The following FSIP1 variants were observed in gnomAD, a reference collection of about 807,000 sequenced individuals.
FSIP1 encodes the protein fibrous sheath interacting protein 1.
In FSIP1, 65 loss-of-function variants were observed where a neutral mutation model predicts 60.9. The observed-to-expected ratio is 1.07, with a 90% CI of 0.87 to 1.31. The LOEUF (loss-of-function observed/expected upper bound fraction) is 1.31. Among genes scored for constraint, FSIP1 ranks in the 40% most tolerant of loss-of-function variants. The probability of loss-of-function intolerance (pLI) is 0.00; values close to 1 mark genes in which losing one functional copy is unlikely to be tolerated. For synonymous variants in FSIP1, 209 were observed against 221.2 expected (o/e 0.94, Z 0.49); for missense variants, 675 against 665.5 (o/e 1.01, Z -0.16).
chr15:39,700,843 G>A (rs1302600798), intron 10 of FSIP1, among the ~76,000 whole-genome samples: 1 of 152,142 alleles, frequency 6.6e-6, no homozygotes, highest in African/African-American at 2.4e-5. Context: ...GCCATTCCAG[G>A]TGAGTTCCCA....
intron 10 of FSIP1, among the ~76,000 whole-genome samples, chr15:39,645,653 C>T (rs9806365): frequency 6.6e-6 from 1 of 152,052 alleles, no homozygotes; most frequent in African/African-American, 2.4e-5. Context: ...TTGGCCAGGC[C>T]GGAGCTCCTG....
chr15:39,678,512 G>A (rs1165038894), intron 10 of FSIP1, among the ~76,000 whole-genome samples: 2 of 152,108 alleles, frequency 1.3e-5, no homozygotes, highest in Middle Eastern at 6.8e-3. Context: ...TATTTTATTG[G>A]AAATATAAAA....
intron 11 of FSIP1, among the ~76,000 whole-genome samples, chr15:39,610,052 AGG>A (rs1209578709): frequency 4.6e-5 from 7 of 152,228 alleles, no homozygotes; most frequent in Non-Finnish European, 8.8e-5. Flanking sequence ...GTAGACAACA[AGG>A]TTTAGAAAGA....
At chr15:39,751,727 T>C (rs1235440835) in intron 5 of FSIP1, among the ~76,000 whole-genome samples, 1 of 151,954 alleles carries the variant, frequency 6.6e-6, no homozygotes, top group East Asian at 1.9e-4. Flanking sequence ...CTAACAAGTT[T>C]AAAGATCTAA....
intron 10 of FSIP1, among the ~76,000 whole-genome samples, chr15:39,623,298 G>C (rs112249671): frequency 2.7e-3 from 411 of 152,278 alleles, no homozygotes; most frequent in African/African-American, 8.5e-3. Context: ...CAGATAATCA[G>C]AAAGTCTACC....
chr15:39,680,421 C>G (rs1279373118), intron 10 of FSIP1, among the ~76,000 whole-genome samples: 1 of 152,186 alleles, frequency 6.6e-6, no homozygotes, highest in Non-Finnish European at 1.5e-5. Context: ...GTTGCCCATA[C>G]AGTCACTTAA....
intron 11 of FSIP1, among the ~76,000 whole-genome samples, chr15:39,607,954 C>T (rs1032150980): frequency 6.6e-6 from 1 of 152,118 alleles, no homozygotes; most frequent in African/African-American, 2.4e-5. Context: ...CTTCAAAGGG[C>T]TTTTTGTCAA....
chr15:39,624,365 AAG>A (rs1891555130), intron 10 of FSIP1, among the ~76,000 whole-genome samples: 2 of 152,198 alleles, frequency 1.3e-5, no homozygotes, highest in Non-Finnish European at 1.5e-5. Context: ...GTACTCACTG[AAG>A]AGTTATTTGA....
At chr15:39,602,440 T>A (rs1890675136) in intron 11 of FSIP1, 2 of 450,836 alleles carry the variant, frequency 4.4e-6, no homozygotes, top group South Asian at 3.1e-5. Flanking sequence ...CATGGTAAGT[T>A]GTTGTGACAA....
chr15:39,673,463 G>A (rs57832843), intron 10 of FSIP1, among the ~76,000 whole-genome samples: 1,949 of 151,690 alleles, frequency 0.013, 42 homozygotes, highest in African/African-American at 0.045. Context: ...ACAGGCACAC[G>A]CCACCACACC....
At chr15:39,741,546 C>T (rs1269471425) in intron 6 of FSIP1, among the ~76,000 whole-genome samples, 1 of 152,210 alleles carries the variant, frequency 6.6e-6, no homozygotes. Flanking sequence ...TTGCTTAAGC[C>T]AGGTTTTCAT....
chr15:39,730,053 G>A (rs983673379), intron 8 of FSIP1, among the ~76,000 whole-genome samples: 1 of 151,402 alleles, frequency 6.6e-6, no homozygotes, highest in African/African-American at 2.4e-5. Context: ...AGTATTTATT[G>A]ATTTAAAATA....
At chr15:39,632,603 G>C (rs911775614) in intron 10 of FSIP1, among the ~76,000 whole-genome samples, 1 of 152,150 alleles carries the variant, frequency 6.6e-6, no homozygotes, top group Non-Finnish European at 1.5e-5. Context: ...GACCATCCTG[G>C]TCAACATGGT....
chr15:39,667,629 A>G (rs1016166625), intron 10 of FSIP1, among the ~76,000 whole-genome samples: 1 of 152,074 alleles, frequency 6.6e-6, no homozygotes, highest in South Asian at 2.1e-4. Flanking sequence ...GGAACACATT[A>G]TTACCTCCCA....
chr15:39,646,215 C>T (rs1892599699), intron 10 of FSIP1, among the ~76,000 whole-genome samples: 1 of 152,110 alleles, frequency 6.6e-6, no homozygotes, highest in Non-Finnish European at 1.5e-5. Flanking sequence ...CTGAGAGCTG[C>T]AGAGATGACC....
chr15:39,716,400 C>T (rs192877340), intron 9 of FSIP1, among the ~76,000 whole-genome samples: 1 of 152,240 alleles, frequency 6.6e-6, no homozygotes, highest in East Asian at 1.9e-4. Flanking sequence ...ATCAAAACCA[C>T]CACTGTGAAA....
intron 10 of FSIP1, among the ~76,000 whole-genome samples, chr15:39,707,755 T>C (rs60228643): frequency 0.13 from 19,225 of 152,144 alleles, 1,464 homozygotes; most frequent in African/African-American, 0.2. Flanking sequence ...GATTAGTGAA[T>C]TGAAGCACAT....
At chr15:39,640,878 G>A (rs1481251052) in intron 10 of FSIP1, among the ~76,000 whole-genome samples, 1 of 152,210 alleles carries the variant, frequency 6.6e-6, no homozygotes, top group Non-Finnish European at 1.5e-5. Flanking sequence ...TCTGGCCACT[G>A]GGATTGGCCA....
chr15:39,685,712 T>A lies in FSIP1; in HGVS notation c.1188+27732A>T, dbSNP rs189452074. Among the ~76,000 whole-genome samples the A allele has an allele frequency of 3.1e-3, 476 of 152,158 alleles. 3 individuals are homozygous for A. Among genetic ancestry groups the A allele is most frequent in the African/African-American group, 0.01 (434 of 41,502 alleles). On this transcript the variant is annotated intron_variant, in intron 10 of 11. Coordinates refer to ENST00000350221, the MANE Select transcript of FSIP1 (RefSeq NM_152597.5). ...GAACACATCTCATCTGAAAAAAAAA[T>A]TTTTATACAAAAGATGAGTTTTTCT...
Sources: allele counts gnomAD v4.1 joint callset (sites outside exome capture counted in the v4.1 genomes callset), GRCh38; gene constraint gnomAD v4.1.1; transcripts MANE v1.5; gene names NCBI Gene and HGNC (gene_info 2026-07-23, HGNC 2026-07-21).